UBR2: variants seen among roughly 807,000 people sequenced by gnomAD.
UBR2 encodes the protein E3 ubiquitin-protein ligase UBR2.
Under a neutral mutation model 247.9 loss-of-function variants are expected in UBR2, and 92 were observed. That is an observed-to-expected ratio of 0.37 (90% CI 0.31 to 0.44). The LOEUF (loss-of-function observed/expected upper bound fraction) is 0.44. Ranked by LOEUF, UBR2 falls within the 20% of genes least tolerant of loss-of-function variation. The pLI is 1.00. For missense variants in UBR2, 1,613 were observed against 2,112.6 expected (o/e 0.76, Z 4.64); for synonymous variants, 672 against 693.5 (o/e 0.97, Z 0.49).
At chr6:42,573,606 A>T in intron 1 of UBR2, 128 bp from the exon 2 acceptor site, 1 of 1,041,554 alleles carries the variant, frequency 9.6e-7, no homozygotes, top group Non-Finnish European at 1.3e-6. Context: ...TACGGTGGTG[A>T]GTGTTGTAAA....
chr6:42,684,740 G>GTA, intron 43 of UBR2, 54 bp from the exon 44 acceptor site: 1 of 1,422,196 alleles, frequency 7.0e-7, no homozygotes, highest in Non-Finnish European at 9.7e-7. Flanking sequence ...GTGCCTCATA[G>GTA]TATAATATGA....
chr6:42,637,047 G>A lies in UBR2; in HGVS notation c.1711G>A (p.Ala571Thr), dbSNP rs200955656. 29 of 1,613,292 alleles carry A rather than the reference G, an allele frequency of 1.8e-5. No homozygotes were observed. The highest frequency in any genetic ancestry group is 4.5e-5 in the East Asian group (2 of 44,852). ...VLIEAYKKCL[A>T]VLMQCHGGYT... ...AATCGAAGCTTACAAGAAATGTCTC[G>A]CTGTACTGATGCAGTGTCATGGTGG... Residue 571 changes from alanine to threonine, a missense_variant, in exon 15 of 47, where the codon GCT becomes ACT. By Grantham distance (58) the Ala-to-Thr change is moderately conservative. Coordinates refer to ENST00000372901, the MANE Select transcript of UBR2 (RefSeq NM_001363705.2).
intron 2 of UBR2, among the ~76,000 whole-genome samples, chr6:42,582,108 C>T (rs1791939626): frequency 6.6e-6 from 1 of 151,736 alleles, no homozygotes; most frequent in Non-Finnish European, 1.5e-5. Context: ...ATGGTGAAAC[C>T]CCGTCTCTAC....
In UBR2 at chr6:42,667,908, A is replaced by C. The variant is rs576342272; in HGVS notation, c.3881+1663A>C. Among the ~76,000 whole-genome samples the C allele has an allele frequency of 8.6e-5, 13 of 150,880 alleles. No homozygotes were observed. The South Asian group carries it at 2.7e-3, about 32-fold the overall frequency. ...CAAGTAGCTGGGATTACAGGCATGC[A>C]CTACCATGCCCGACTGATTTTTGCA... On this transcript the variant is annotated intron_variant, in intron 34 of 46. Coordinates refer to ENST00000372901, the MANE Select transcript of UBR2 (RefSeq NM_001363705.2).
At chr6:42,573,228 TCAATA>T (rs1347943926) in intron 1 of UBR2, among the ~76,000 whole-genome samples, 2 of 152,148 alleles carry the variant, frequency 1.3e-5, no homozygotes, top group African/African-American at 4.8e-5. Context: ...ACTGACTTAT[TCAATA>T]AGAGACTGGT....
chr6:42,657,899 G>T (rs1361386723), intron 26 of UBR2, 125 bp from the exon 27 acceptor site: 4 of 631,234 alleles, frequency 6.3e-6, no homozygotes, highest in Non-Finnish European at 1.1e-5. Context: ...CTCTATTTTG[G>T]TAGAGCCATA....
Position 42,578,323 on chromosome 6 carries a change from T to G in UBR2, c.338+4330T>G, listed in dbSNP as rs544049273. Among the ~76,000 whole-genome samples the G allele has an allele frequency of 1.2e-4, 19 of 152,302 alleles. No homozygotes were observed. The South Asian group carries it at 2.9e-3, about 23-fold the overall frequency. On this transcript the variant is annotated intron_variant, in intron 2 of 46. Coordinates refer to ENST00000372901, the MANE Select transcript of UBR2 (RefSeq NM_001363705.2). Reference sequence around the variant, plus strand: ...ACAGAATAGAGCTGGTGGATCATTCTCAGCAAATAAATGCTTTGTCTCAGA... The same window carrying G: ...ACAGAATAGAGCTGGTGGATCATTCGCAGCAAATAAATGCTTTGTCTCAGA...
chr6:42,641,347 C>G (rs751277968), intron 16 of UBR2, among the ~76,000 whole-genome samples: 1 of 151,962 alleles, frequency 6.6e-6, no homozygotes, highest in Admixed American at 6.6e-5. Context: ...GCCTGTACTC[C>G]CAGCTACTCG....
intron 1 of UBR2, among the ~76,000 whole-genome samples, chr6:42,573,444 T>C (rs2151902790): frequency 6.6e-6 from 1 of 152,302 alleles, no homozygotes; most frequent in Admixed American, 6.5e-5. Context: ...ATATAATGAT[T>C]TCTTGTAATT....
In UBR2 at chr6:42,644,288, C is replaced by T. The variant is rs1165080919; in HGVS notation, c.2172C>T (p.Phe724=). The change falls in exon 19 of 47, where the codon TTC becomes TTT. Residue 724 remains phenylalanine, a synonymous_variant. Coordinates refer to ENST00000372901, the MANE Select transcript of UBR2 (RefSeq NM_001363705.2). Reference sequence around the variant, plus strand: ...GCCGCTTTGAACTTTATCAGATTTTCAGTACTCCAGACTATGGAAAAAGAT... The same window carrying T: ...GCCGCTTTGAACTTTATCAGATTTTTAGTACTCCAGACTATGGAAAAAGAT... ...MLSRFELYQI[F]STPDYGKRFS... 6.2e-7 allele frequency: 1 copy of T among 1,613,004 alleles called. No homozygotes were observed. The highest frequency in any genetic ancestry group is 1.7e-5 in the Admixed American group (1 of 59,896).
At chr6:42,685,958 G>C (rs1181611221) in intron 44 of UBR2, among the ~76,000 whole-genome samples, 1 of 151,920 alleles carries the variant, frequency 6.6e-6, no homozygotes, top group African/African-American at 2.4e-5. Flanking sequence ...CTTCTCTGTT[G>C]CCTCTTTCTC....
chr6:42,671,212 G>A (rs1485785296), intron 36 of UBR2, among the ~76,000 whole-genome samples: 2 of 148,858 alleles, frequency 1.3e-5, no homozygotes, highest in African/African-American at 4.9e-5. Flanking sequence ...AAAAATTGCA[G>A]CCTGGCAGTA....
chr6:42,642,310 A>T, intron 17 of UBR2, 106 bp from the exon 18 acceptor site: 1 of 715,858 alleles, frequency 1.4e-6, no homozygotes, highest in Non-Finnish European at 2.4e-6. Flanking sequence ...AAACCACATC[A>T]CACACATGCA....
rs765280276 is a variant in UBR2, at chr6:42,670,262, C to T, written c.4030+22C>T. On this transcript the variant is annotated intron_variant, in intron 35 of 46. Transcript: ENST00000372901. The stretch of plus-strand genomic sequence containing the variant: ...ATAGGTAAGAGATTTACAGCTGTTT[C>T]TCTATAAGTCACAAGCATTCATTGA... The T allele has an allele frequency of 3.7e-6, 6 of 1,605,672 alleles. No homozygotes were observed. In the Admixed American group the frequency reaches 8.4e-5, roughly 22 times the overall value.
chr6:42,614,125 C>G lies in UBR2; in HGVS notation c.986-946C>G, dbSNP rs2151936722. Among the ~76,000 whole-genome samples the G allele has an allele frequency of 1.5e-5, 2 of 136,474 alleles. 1 individual carries two copies. Among genetic ancestry groups the G allele is most frequent in the East Asian group, 4.4e-4 (2 of 4,516 alleles). 89.5% of individuals were successfully genotyped at this position (136,474 alleles called of 152,430 possible). ...CCAGGAGGCAGAGGTTGCAGTGAGC[C>G]AAGATCACATCACCGCACTGCAGCC... is the stretch of plus-strand genomic sequence containing the variant. On this transcript the variant is annotated intron_variant, in intron 8 of 46. Transcript: ENST00000372901.
At chr6:42,654,307 G>T (rs1302049882) in intron 25 of UBR2, among the ~76,000 whole-genome samples, 1 of 152,168 alleles carries the variant, frequency 6.6e-6, no homozygotes, top group East Asian at 1.9e-4. Flanking sequence ...GAAGAGGTGT[G>T]AACAATATTT....
intron 41 of UBR2, 55 bp from the exon 42 acceptor site, chr6:42,679,669 T>C (rs1798916004): frequency 7.7e-7 from 1 of 1,293,962 alleles, no homozygotes; most frequent in Non-Finnish European, 1.1e-6. Flanking sequence ...TTAACTCTCA[T>C]GCAGAATATG....
rs986735024 is a variant in UBR2, at chr6:42,644,100, T to G, written c.2098-114T>G. 125 of 1,062,530 alleles carry G rather than the reference T, an allele frequency of 1.2e-4. 1 individual carries two copies. The highest frequency in any genetic ancestry group is 1.4e-4 in the Non-Finnish European group (103 of 745,602). The allele number at this position is 1,062,530 out of a possible 1,614,324, so 65.8% of individuals were successfully genotyped here. A position where few individuals can be genotyped will look rare whatever the true frequency, so the allele number is the denominator to read the frequency against. On this transcript the variant is annotated intron_variant, in intron 18 of 46. Coordinates refer to ENST00000372901, the MANE Select transcript of UBR2 (RefSeq NM_001363705.2). ...ATTGGGATTGGTGAACCTTTTAGGATTGGTAAACTGCTTTCTCTTGGGCAA... is the reference window on the plus strand; with the variant it reads ...ATTGGGATTGGTGAACCTTTTAGGAGTGGTAAACTGCTTTCTCTTGGGCAA...
At chr6:42,603,489 C>G in intron 4 of UBR2, 99 bp from the exon 5 acceptor site, 1 of 1,235,212 alleles carries the variant, frequency 8.1e-7, no homozygotes, top group Non-Finnish European at 1.1e-6. Context: ...GACCAGTCAA[C>G]TTTTTACTAT....
Sources: allele counts gnomAD v4.1 joint callset (sites outside exome capture counted in the v4.1 genomes callset), GRCh38; gene constraint gnomAD v4.1.1; transcripts MANE v1.5; gene names NCBI Gene and HGNC (gene_info 2026-07-23, HGNC 2026-07-21).